LRFN5: variants seen among roughly 807,000 people sequenced by gnomAD.
LRFN5 encodes the protein leucine-rich repeat and fibronectin type-III domain-containing protein 5.
A neutral mutation model predicts 45.6 loss-of-function variants in LRFN5; 24 were observed. The observed-to-expected ratio is 0.53, with a 90% CI of 0.38 to 0.74. The LOEUF is 0.74. LRFN5 is among the 30% of genes least tolerant of loss of function. LRFN5 has a pLI of 0.00. For missense variants in LRFN5, 776 were observed against 861.5 expected, an observed-to-expected ratio of 0.90 and a Z score of 1.24; for synonymous variants, 340 against 313.8, an observed-to-expected ratio of 1.08 and a Z score of -0.88.
At chr14:41,844,962 A>G (rs1889009472) in intron 2 of LRFN5, among the ~76,000 whole-genome samples, 1 of 152,160 alleles carries the variant, frequency 6.6e-6, no homozygotes, top group Non-Finnish European at 1.5e-5. Flanking sequence ...AAATTAAAAG[A>G]TTTTGGCTTC....
intron 2 of LRFN5, among the ~76,000 whole-genome samples, chr14:41,794,924 T>G (rs1887064103): frequency 1.3e-5 from 2 of 152,062 alleles, no homozygotes; most frequent in South Asian, 4.1e-4. Flanking sequence ...TATAAATATT[T>G]AAATATATAT....
At chr14:41,781,698 G>C (rs76159692) in intron 2 of LRFN5, among the ~76,000 whole-genome samples, 6,304 of 151,020 alleles carry the variant, frequency 0.042, 296 homozygotes, top group African/African-American at 0.12. Context: ...GAAAGAAAAA[G>C]AGAAAGAAAA....
chr14:41,609,315 G>GTT (rs375230754), intron 1 of LRFN5, among the ~76,000 whole-genome samples: 35 of 151,694 alleles, frequency 2.3e-4, no homozygotes, highest in Admixed American at 6.5e-4. Flanking sequence ...TCCTTTGCGC[G>GTT]TTTTTTTGTT....
At chr14:41,797,290 A>AT (rs1887166883) in intron 2 of LRFN5, among the ~76,000 whole-genome samples, 7 of 151,920 alleles carry the variant, frequency 4.6e-5, no homozygotes, top group Admixed American at 3.9e-4. Flanking sequence ...ACTATTAAAT[A>AT]TGATACCCTA....
chr14:41,844,083 A>G (rs1049122668), intron 2 of LRFN5, among the ~76,000 whole-genome samples: 5 of 152,210 alleles, frequency 3.3e-5, no homozygotes, highest in African/African-American at 1.2e-4. Context: ...TATGCTAATT[A>G]TTAGAGAAAT....
At chr14:41,764,257 C>T (rs1326393882) in intron 1 of LRFN5, among the ~76,000 whole-genome samples, 4 of 152,044 alleles carry the variant, frequency 2.6e-5, no homozygotes, top group African/African-American at 9.7e-5. Flanking sequence ...TTGCTATTTA[C>T]CTATATGAGC....
chr14:41,655,028 G>A (rs1015956006), intron 1 of LRFN5, among the ~76,000 whole-genome samples: 2 of 152,020 alleles, frequency 1.3e-5, no homozygotes, highest in African/African-American at 4.8e-5. Flanking sequence ...ATCTCTAAAG[G>A]ATGTATACTG....
intron 1 of LRFN5, among the ~76,000 whole-genome samples, chr14:41,716,260 A>T (rs1594640817): frequency 6.6e-6 from 1 of 152,092 alleles, no homozygotes; most frequent in East Asian, 1.9e-4. Flanking sequence ...TGTCTTGGGG[A>T]TTAACATTGG....
rs750663795 is a variant in LRFN5 at position 41,898,915 on chromosome 14, A to G, written c.2099-2A>G. The G allele has an allele frequency of 6.8e-6, 11 of 1,609,858 alleles. No homozygotes were observed. Among genetic ancestry groups the G allele is most frequent in the Non-Finnish European group, 9.3e-6 (11 of 1,178,320 alleles). On this transcript the variant is annotated splice_acceptor_variant, in intron 4 of 5. Transcript: ENST00000298119. LOFTEE classifies it high-confidence loss of function. ...TTATGACACTGAACATTTTATTCCCAGATGCTTTGCTGACTAATGTTGACC... is the reference window on the plus strand; with the variant it reads ...TTATGACACTGAACATTTTATTCCCGGATGCTTTGCTGACTAATGTTGACC...
intron 2 of LRFN5, among the ~76,000 whole-genome samples, chr14:41,797,642 A>G (rs1322382136): frequency 6.6e-6 from 1 of 151,588 alleles, no homozygotes; most frequent in Non-Finnish European, 1.5e-5. Context: ...CATTTAAATT[A>G]TATTATATAA....
chr14:41,769,570 A>G (rs958164967), intron 2 of LRFN5, among the ~76,000 whole-genome samples: 7 of 152,212 alleles, frequency 4.6e-5, no homozygotes, highest in African/African-American at 1.7e-4. Flanking sequence ...GTATATGTAA[A>G]GATAATTTAT....
intron 2 of LRFN5, among the ~76,000 whole-genome samples, chr14:41,807,142 G>T (rs1887552632): frequency 6.6e-6 from 1 of 152,136 alleles, no homozygotes; most frequent in Non-Finnish European, 1.5e-5. Context: ...GATGTGTAAT[G>T]CAAACATCCA....
Position 41,784,402 on chromosome 14 carries a change from T to TA in LRFN5, c.-21+17380dup, listed in dbSNP as rs1021235902. 4.6e-5 allele frequency among the ~76,000 whole-genome samples: 7 copies of TA among 152,000 alleles called. No individual in the cohort carries two copies. In the South Asian group the frequency reaches 6.2e-4, roughly 14 times the overall value. On this transcript the variant is annotated intron_variant, in intron 2 of 5. Transcript: ENST00000298119. ...TTAAAAATTTTTATTTCTTTTTTTTTAAAAAAACACAGTAATCATTTAGGT... is the reference window on the plus strand; with the variant it reads ...TTAAAAATTTTTATTTCTTTTTTTTTAAAAAAAACACAGTAATCATTTAGGT...
At chr14:41,742,172 C>T (rs1480320606) in intron 1 of LRFN5, among the ~76,000 whole-genome samples, 1 of 151,600 alleles carries the variant, frequency 6.6e-6, no homozygotes, top group Non-Finnish European at 1.5e-5. Flanking sequence ...GATATATAGC[C>T]AATGAATCTG....
chr14:41,658,953 G>A (rs10145720), intron 1 of LRFN5, among the ~76,000 whole-genome samples: 40,188 of 151,514 alleles, frequency 0.27, 5,378 homozygotes, highest in South Asian at 0.36. Flanking sequence ...CTCTTTTCCT[G>A]CCTGCCTCTC....
At chr14:41,844,889 ATAAT>A (rs1162645131) in intron 2 of LRFN5, among the ~76,000 whole-genome samples, 1 of 152,174 alleles carries the variant, frequency 6.6e-6, no homozygotes, top group East Asian at 1.9e-4. Flanking sequence ...TATATCAGAT[ATAAT>A]TAATTATTTT....
At chr14:41,766,523 T>C (rs1204819354) in intron 1 of LRFN5, among the ~76,000 whole-genome samples, 3 of 151,454 alleles carry the variant, frequency 2.0e-5, no homozygotes, top group Non-Finnish European at 3.0e-5. Context: ...TATGTTAACT[T>C]ATGCACTGTT....
chr14:41,731,278 T>A (rs1203191837), intron 1 of LRFN5: 1 of 152,062 alleles, frequency 6.6e-6, no homozygotes, highest in South Asian at 2.1e-4. Flanking sequence ...TTTTTTCACA[T>A]ACAGTATCTG....
chr14:41,639,676 C>T (rs760650304), intron 1 of LRFN5, among the ~76,000 whole-genome samples: 1 of 152,082 alleles, frequency 6.6e-6, no homozygotes, highest in Non-Finnish European at 1.5e-5. Context: ...TAATTCTGGA[C>T]TGTATGGAAC....
Sources: allele counts gnomAD v4.1 joint callset (sites outside exome capture counted in the v4.1 genomes callset), GRCh38; gene constraint gnomAD v4.1.1; transcripts MANE v1.5; gene names NCBI Gene and HGNC (gene_info 2026-07-23, HGNC 2026-07-21).